The following VSX2 variants were observed in gnomAD, a reference collection of about 807,000 sequenced individuals.
VSX2 encodes visual system homeobox 2.
In VSX2, 28 loss-of-function variants were observed where a neutral mutation model predicts 32.1. That is an observed-to-expected ratio of 0.87 (90% CI 0.65 to 1.20). The LOEUF (loss-of-function observed/expected upper bound fraction) is 1.20, where lower values mean the gene tolerates loss of function less well. VSX2 is among the 50% of genes most tolerant of loss of function. The probability of loss-of-function intolerance (pLI) is 0.00; values close to 1 mark genes in which losing one functional copy is unlikely to be tolerated. For synonymous variants in VSX2, 243 were observed against 214.1 expected (o/e 1.14, Z -1.18); for missense variants, 506 against 488.7 (o/e 1.04, Z -0.33).
intron 3 of VSX2, among the ~76,000 whole-genome samples, chr14:74,250,019 T>C (rs1246712665): frequency 1.3e-5 from 2 of 151,660 alleles, no homozygotes; most frequent in Non-Finnish European, 2.9e-5. Flanking sequence ...GGTCGGAGGG[T>C]CACTTGAGGC....
At position 74,239,627 on chromosome 14, in the gene VSX2, G is replaced by C. The variant is rs542328201; in HGVS notation, c.66G>C (p.Ser22=). 3.7e-5 allele frequency: 57 copies of C among 1,551,140 alleles called. No individual in the cohort carries two copies. In the African/African-American group the frequency reaches 5.1e-4, roughly 14 times the overall value. The part of the protein sequence containing the change: ...PKSETVAKST[S]GGAPARCTGF... Reference sequence around the variant, plus strand: ...CCGAGACAGTGGCCAAGAGTACCTCGGGGGGCGCCCCGGCCAGGTGCACTG... The same window carrying C: ...CCGAGACAGTGGCCAAGAGTACCTCCGGGGGCGCCCCGGCCAGGTGCACTG... Residue 22 remains serine, a synonymous_variant, in exon 1 of 5, where the codon TCG becomes TCC. Transcript: ENST00000261980.
At chr14:74,246,308 G>A (rs569120749) in intron 3 of VSX2, among the ~76,000 whole-genome samples, 1 of 152,296 alleles carries the variant, frequency 6.6e-6, no homozygotes, top group African/African-American at 2.4e-5. Flanking sequence ...TAGGTTCCTT[G>A]TATCTCCAGG....
intron 1 of VSX2, 103 bp from the exon 2 acceptor site, chr14:74,241,079 C>A: frequency 8.2e-7 from 1 of 1,218,150 alleles, no homozygotes; most frequent in Non-Finnish European, 1.2e-6. Flanking sequence ...CAGAGCAGGT[C>A]CCCGCCGCTC....
At chr14:74,249,128 CCT>C (rs958157371) in intron 3 of VSX2, among the ~76,000 whole-genome samples, 1 of 152,314 alleles carries the variant, frequency 6.6e-6, no homozygotes, top group African/African-American at 2.4e-5. Flanking sequence ...CAAGCCAAAC[CCT>C]GAGTCTGAAA....
In VSX2 at chr14:74,262,584, G is replaced by C. The variant is rs1372863435; in HGVS notation, c.*1665G>C. ...TTTGAAGTGTTAGACTATAGCCCCT[G>C]GTGTGTAAATAATGTACATAGAGTG... On this transcript the variant is annotated 3_prime_UTR_variant, in exon 5 of 5. Transcript: ENST00000261980. 6.6e-6 allele frequency: 1 copy of C among 152,136 alleles called. No homozygotes were observed. Among genetic ancestry groups the C allele is most frequent in the African/African-American group, 2.4e-5 (1 of 41,418 alleles). 9.4% of individuals were successfully genotyped at this position (152,136 alleles called of 1,614,324 possible).
chr14:74,245,002 G>GAGAC (rs1555387803), intron 2 of VSX2, among the ~76,000 whole-genome samples, 163 bp from the exon 3 acceptor site: 5 of 111,776 alleles, frequency 4.5e-5, no homozygotes, highest in Admixed American at 2.8e-4. Context: ...GAGAGAGAGA[G>GAGAC]AGAGACAGAG....
chr14:74,241,110 G>A lies in VSX2; in HGVS notation c.371-72G>A. The A allele has an allele frequency of 7.2e-6, 11 of 1,518,144 alleles. No homozygotes were observed. The Admixed American group carries it at 1.7e-4, about 23-fold the overall frequency. The allele number at this position is 1,518,144 out of a possible 1,614,324, so 94.0% of individuals were successfully genotyped here. Reference sequence around the variant, plus strand: ...CGCTCGCGGAGGCAGCCCGGGGTGGGGCCCTCGCGGGTTTCGGGCACAGCG... The same window carrying A: ...CGCTCGCGGAGGCAGCCCGGGGTGGAGCCCTCGCGGGTTTCGGGCACAGCG... On this transcript the variant is annotated intron_variant, in intron 1 of 4. Coordinates refer to ENST00000261980, the MANE Select transcript of VSX2 (RefSeq NM_182894.3).
intron 1 of VSX2, among the ~76,000 whole-genome samples, chr14:74,240,927 G>A (rs1342622997): frequency 6.6e-6 from 1 of 152,166 alleles, no homozygotes; most frequent in Admixed American, 6.5e-5. Flanking sequence ...CCGTCGTCCC[G>A]GTCCCAAGCG....
Position 74,245,308 on chromosome 14 carries a change from C to T in VSX2, c.579+20C>T, listed in dbSNP as rs559035140. On this transcript the variant is annotated intron_variant, in intron 3 of 4. Transcript: ENST00000261980. ...ATACAGGTAACAGCCCTGAGCCCCT[C>T]TCCCCTCCACTCTCCCCTCTCTCGG... is the stretch of plus-strand genomic sequence containing the variant. 7 of 1,613,100 alleles carry T rather than the reference C, an allele frequency of 4.3e-6. No homozygotes were observed. The South Asian group carries it at 7.7e-5, about 18-fold the overall frequency.
intron 4 of VSX2, 61 bp from the exon 5 acceptor site, chr14:74,260,533 T>G (rs1457386844): frequency 6.6e-7 from 1 of 1,512,810 alleles, no homozygotes; most frequent in Admixed American, 2.0e-5. Context: ...TTTGCCGTTT[T>G]CAGTTCAAGA....
chr14:74,260,719 A>G lies in VSX2; in HGVS notation c.886A>G (p.Ile296Val). The G allele has an allele frequency of 6.3e-7, 1 of 1,593,230 alleles. No individual in the cohort carries two copies. The highest frequency in any genetic ancestry group is 1.3e-5 in the African/African-American group (1 of 74,830). ...DERGPDAQAA[I>V]SQEELRENSI... ...GCGGGGCCCCGACGCTCAGGCGGCC[A>G]TCTCCCAGGAGGAACTGAGGGAGAA... The change falls in exon 5 of 5, where the codon ATC (isoleucine) becomes GTC (valine). Residue 296 changes from isoleucine to valine, a missense_variant. By Grantham distance (29) the Ile-to-Val change is conservative (BLOSUM62 3). Coordinates refer to ENST00000261980, the MANE Select transcript of VSX2 (RefSeq NM_182894.3).
intron 2 of VSX2, among the ~76,000 whole-genome samples, chr14:74,244,939 AGAG>A (rs1326364460): frequency 2.4e-5 from 3 of 124,022 alleles, no homozygotes; most frequent in African/African-American, 3.3e-5. Context: ...TGAAAGAGAG[AGAG>A]AAAGTGTGTG....
At chr14:74,242,456 C>G (rs11845687) in intron 2 of VSX2, among the ~76,000 whole-genome samples, 3,849 of 152,278 alleles carry the variant, frequency 0.025, 180 homozygotes, top group African/African-American at 0.089. Flanking sequence ...TATCCTCACC[C>G]CTTAGGCCCT....
intron 1 of VSX2, among the ~76,000 whole-genome samples, chr14:74,240,754 C>G (rs1457440615): frequency 1.3e-5 from 2 of 152,248 alleles, no homozygotes; most frequent in African/African-American, 4.8e-5. Context: ...TCGGCAGCCC[C>G]CAGTCTTCCC....
intron 3 of VSX2, among the ~76,000 whole-genome samples, chr14:74,249,054 A>G (rs2139637796): frequency 6.6e-6 from 1 of 152,362 alleles, no homozygotes; most frequent in East Asian, 1.9e-4. Flanking sequence ...ATGTCTGATG[A>G]GAACCTGCGA....
chr14:74,245,287 A>T lies in VSX2; in HGVS notation c.578A>T (p.Gln193Leu). The change falls in exon 3 of 5, where the codon CAG becomes CTG. Residue 193 changes from glutamine to leucine, a missense_variant and splice_region_variant. Transcript: ENST00000261980. Reference sequence around the variant, plus strand: ...ACGGAGCTGCCGGAAGACAGGATACAGGTAACAGCCCTGAGCCCCTCTCCC... The same window carrying T: ...ACGGAGCTGCCGGAAGACAGGATACTGGTAACAGCCCTGAGCCCCTCTCCC... ...MKTELPEDRI[Q>L]VWFQNRRAKW... 6.2e-7 allele frequency: 1 copy of T among 1,613,228 alleles called. No homozygotes were observed. The highest frequency in any genetic ancestry group is 8.5e-7 in the Non-Finnish European group (1 of 1,179,740).
intron 3 of VSX2, among the ~76,000 whole-genome samples, chr14:74,253,187 C>A (rs2079241091): frequency 6.6e-6 from 1 of 152,156 alleles, no homozygotes; most frequent in African/African-American, 2.4e-5. Flanking sequence ...GCACCTGGCA[C>A]CCTGACTGAA....
At chr14:74,260,065 G>A (rs889595668) in intron 4 of VSX2, among the ~76,000 whole-genome samples, 5 of 152,146 alleles carry the variant, frequency 3.3e-5, no homozygotes, top group Non-Finnish European at 7.4e-5. Flanking sequence ...TGTTGGCCTG[G>A]GGTCTGTACC....
At position 74,239,472 on chromosome 14, in the gene VSX2, C is replaced by T. The variant is rs1400016845; in HGVS notation, c.-90C>T. 28 of 1,537,406 alleles carry T rather than the reference C, an allele frequency of 1.8e-5. No individual in the cohort carries two copies. Among genetic ancestry groups the T allele is most frequent in the Non-Finnish European group, 2.5e-5 (28 of 1,137,802 alleles). ...AGAGCATTAGACACCGGAGGGGGCA[C>T]CTGGGACCAACTTCGCGAAGCGGGA... On this transcript the variant is annotated 5_prime_UTR_variant, in exon 1 of 5. Coordinates refer to ENST00000261980, the MANE Select transcript of VSX2 (RefSeq NM_182894.3).
Sources: gnomAD v4.1 joint callset for allele counts (sites outside exome capture counted in the v4.1 genomes callset) on GRCh38, gnomAD v4.1.1 for gene constraint, MANE v1.5 for transcripts, NCBI Gene and HGNC (gene_info 2026-07-23, HGNC 2026-07-21) for gene names.